The following NRP1 variants were observed in gnomAD, a reference collection of about 807,000 sequenced individuals.
NRP1 encodes neuropilin 1.
Under a neutral mutation model 106.7 loss-of-function variants are expected in NRP1, and 35 were observed. That is an observed-to-expected ratio of 0.33 (90% CI 0.25 to 0.43). The LOEUF (loss-of-function observed/expected upper bound fraction) is 0.43, where lower values mean the gene tolerates loss of function less well. NRP1 is among the 20% of genes least tolerant of loss of function. The probability of loss-of-function intolerance (pLI) is 1.00; values close to 1 mark genes in which losing one functional copy is unlikely to be tolerated. For synonymous variants in NRP1, 437 were observed against 417.9 expected, an observed-to-expected ratio of 1.05 and a Z score of -0.56; for missense variants, 1,024 against 1,170.4, an observed-to-expected ratio of 0.87 and a Z score of 1.83.
chr10:33,255,873 C>T (rs1287697002), intron 5 of NRP1, among the ~76,000 whole-genome samples: 1 of 152,150 alleles, frequency 6.6e-6, no homozygotes, highest in Non-Finnish European at 1.5e-5. Flanking sequence ...ATACTGGCTT[C>T]CCCCAGCATC....
Position 33,178,025 on chromosome 10 carries a change from C to T in NRP1, c.*2051G>A, listed in dbSNP as rs912513202. 2 of 152,530 alleles carry T rather than the reference C, an allele frequency of 1.3e-5. No homozygotes were observed. Among genetic ancestry groups the T allele is most frequent in the South Asian group, 2.1e-4 (1 of 4,826 alleles). The allele number at this position is 152,530 out of a possible 1,614,324, so 9.4% of individuals were successfully genotyped here. A position where few individuals can be genotyped will look rare whatever the true frequency, so the allele number is the denominator to read the frequency against. ...GTCTGTTGCCTTTAAAAACAACAAACGAGTGTTTCTTAGTGCTTTCCTTCT... is the reference window on the plus strand; with the variant it reads ...GTCTGTTGCCTTTAAAAACAACAAATGAGTGTTTCTTAGTGCTTTCCTTCT... On this transcript the variant is annotated 3_prime_UTR_variant, in exon 17 of 17. Coordinates refer to ENST00000374867, the MANE Select transcript of NRP1 (RefSeq NM_003873.7).
At chr10:33,215,089 A>G (rs1838650571) in intron 8 of NRP1, among the ~76,000 whole-genome samples, 2 of 152,232 alleles carry the variant, frequency 1.3e-5, no homozygotes, top group African/African-American at 4.8e-5. Context: ...TGATAGGAAG[A>G]TATCAAAACT....
At chr10:33,288,084 A>C (rs1844712686) in intron 2 of NRP1, among the ~76,000 whole-genome samples, 1 of 152,218 alleles carries the variant, frequency 6.6e-6, no homozygotes, top group South Asian at 2.1e-4. Flanking sequence ...AGTCCTAAAA[A>C]ATAAAATATA....
intron 11 of NRP1, among the ~76,000 whole-genome samples, chr10:33,198,466 T>C (rs1836972378): frequency 6.6e-6 from 1 of 152,008 alleles, no homozygotes; most frequent in Admixed American, 6.6e-5. Flanking sequence ...AGACAACGTA[T>C]CCTAACACCT....
Position 33,258,511 on chromosome 10 carries a change from T to C in NRP1, c.659-2040A>G, listed in dbSNP as rs1357670714. On this transcript the variant is annotated intron_variant, in intron 4 of 16. Transcript: ENST00000374867. ...AGGAGGATGACCCAGTGAGGAGGAC[T>C]GATACAGATTATCTACAGGGCATCA... 2.0e-5 allele frequency among the ~76,000 whole-genome samples: 3 copies of C among 152,246 alleles called. No individual in the cohort carries two copies. The East Asian group carries it at 5.8e-4, about 29-fold the overall frequency.
At chr10:33,332,218 G>GGGTA (rs1417032933) in intron 1 of NRP1, among the ~76,000 whole-genome samples, 1 of 152,120 alleles carries the variant, frequency 6.6e-6, no homozygotes, top group Non-Finnish European at 1.5e-5. Context: ...CTTAGACTGG[G>GGGTA]GGTAGTCTTA....
At chr10:33,206,171 C>T in intron 10 of NRP1, 1 of 516,658 alleles carries the variant, frequency 1.9e-6, no homozygotes, top group Non-Finnish European at 3.9e-6. Context: ...ATCAGCATCG[C>T]CTTCCAGAAT....
chr10:33,329,619 A>ACC (rs1848131164), intron 2 of NRP1, among the ~76,000 whole-genome samples: 1 of 152,206 alleles, frequency 6.6e-6, no homozygotes, highest in Admixed American at 6.5e-5. Flanking sequence ...ACCCACTTTA[A>ACC]AACTTGTGAA....
At chr10:33,270,527 A>G (rs538572017) in intron 3 of NRP1, 148 bp downstream of exon 3, 3 of 565,188 alleles carry the variant, frequency 5.3e-6, no homozygotes, top group South Asian at 6.9e-5. Flanking sequence ...GGGTTTCACC[A>G]TGTTGGCCAG....
At chr10:33,232,975 T>C (rs1259961249) in intron 6 of NRP1, among the ~76,000 whole-genome samples, 1 of 152,132 alleles carries the variant, frequency 6.6e-6, no homozygotes, top group Non-Finnish European at 1.5e-5. Context: ...TTATAATACA[T>C]AGCGCCGTTG....
Position 33,256,494 on chromosome 10 carries a change from G to A in NRP1, c.659-23C>T, listed in dbSNP as rs200307254. On this transcript the variant is annotated intron_variant, in intron 4 of 16. Coordinates refer to ENST00000374867, the MANE Select transcript of NRP1 (RefSeq NM_003873.7). ...CAACTGGAAAGGGAGGAATACAGACGATGTCAAAATGTCTTTTCTCCTGCA... is the reference window on the plus strand; with the variant it reads ...CAACTGGAAAGGGAGGAATACAGACAATGTCAAAATGTCTTTTCTCCTGCA... The A allele has an allele frequency of 3.5e-4, 562 of 1,608,606 alleles. 5 individuals are homozygous for A. The East Asian group carries it at 0.011, about 31-fold the overall frequency.
At chr10:33,241,468 G>A (rs1333990816) in intron 6 of NRP1, among the ~76,000 whole-genome samples, 6 of 92,142 alleles carry the variant, frequency 6.5e-5, no homozygotes, top group African/African-American at 2.2e-4. Flanking sequence ...TAACTACATC[G>A]TGTTATTCCT....
At chr10:33,246,683 A>G (rs911138061) in intron 6 of NRP1, among the ~76,000 whole-genome samples, 23 of 152,148 alleles carry the variant, frequency 1.5e-4, no homozygotes, top group Admixed American at 1.3e-3. Context: ...TGTATTTTAC[A>G]TGCATCATTC....
At chr10:33,235,353 A>C (rs1328721723) in intron 6 of NRP1, among the ~76,000 whole-genome samples, 2 of 152,238 alleles carry the variant, frequency 1.3e-5, no homozygotes, top group African/African-American at 4.8e-5. Flanking sequence ...CATAAAGATC[A>C]AATGTGAAGG....
intron 7 of NRP1, among the ~76,000 whole-genome samples, chr10:33,224,081 A>G (rs1252223669): frequency 6.6e-6 from 1 of 152,228 alleles, no homozygotes; most frequent in Non-Finnish European, 1.5e-5. Flanking sequence ...GAAAGCCCCT[A>G]AAGTACAGAG....
intron 11 of NRP1, among the ~76,000 whole-genome samples, chr10:33,199,389 A>ATAT (rs1564372890): frequency 1.1e-3 from 42 of 36,860 alleles, no homozygotes; most frequent in Non-Finnish European, 1.6e-3. Context: ...ATATATATAT[A>ATAT]TTTTTTTTTT....
intron 2 of NRP1, among the ~76,000 whole-genome samples, chr10:33,323,082 G>A (rs1279340810): frequency 2.6e-5 from 4 of 152,090 alleles, no homozygotes; most frequent in Middle Eastern, 3.2e-3. Flanking sequence ...GCAAGAGCCC[G>A]GCATAGGTTG....
intron 4 of NRP1, among the ~76,000 whole-genome samples, chr10:33,258,090 A>C (rs1842322649): frequency 6.6e-6 from 1 of 152,196 alleles, no homozygotes; most frequent in Non-Finnish European, 1.5e-5. Flanking sequence ...AGAGACTTCA[A>C]GTGTGGTTGC....
At chr10:33,242,542 A>C (rs761445445) in intron 6 of NRP1, among the ~76,000 whole-genome samples, 1 of 152,214 alleles carries the variant, frequency 6.6e-6, no homozygotes, top group Non-Finnish European at 1.5e-5. Context: ...ACTTCAAAAA[A>C]TTCTTTTCTC....
Sources: gnomAD v4.1 joint callset for allele counts (sites outside exome capture counted in the v4.1 genomes callset) on GRCh38, gnomAD v4.1.1 for gene constraint, MANE v1.5 for transcripts, NCBI Gene and HGNC (gene_info 2026-07-23, HGNC 2026-07-21) for gene names.